Variants in GRIA4 observed in about 807,000 individuals in gnomAD.
The protein encoded by GRIA4 is glutamate ionotropic receptor AMPA type subunit 4.
Under a neutral mutation model 104.0 loss-of-function variants are expected in GRIA4, and 34 were observed. That is an observed-to-expected ratio of 0.33 (90% CI 0.25 to 0.44). The LOEUF (loss-of-function observed/expected upper bound fraction) is 0.44, where lower values mean the gene tolerates loss of function less well. GRIA4 is among the 20% of genes least tolerant of loss of function. The probability of loss-of-function intolerance (pLI) is 1.00; values close to 1 mark genes in which losing one functional copy is unlikely to be tolerated. For synonymous variants in GRIA4, 386 were observed against 381.9 expected (o/e 1.01, Z -0.13); for missense variants, 750 against 1,096.5 (o/e 0.68, Z 4.46).
At position 105,887,429 on chromosome 11, in the gene GRIA4, C is replaced by T. The variant is rs1000571110; in HGVS notation, c.673-90C>T. The T allele has an allele frequency of 3.2e-5, 19 of 596,274 alleles. No homozygotes were observed. The South Asian group carries it at 4.0e-4, about 12-fold the overall frequency. 36.9% of individuals were successfully genotyped at this position (596,274 alleles called of 1,614,324 possible). The stretch of plus-strand genomic sequence containing the variant: ...CTATCATTTTCCCATCATGATTCTA[C>T]ATGGAATTATGCTAAAATAGATAAT... On this transcript the variant is annotated intron_variant, in intron 5 of 16. Coordinates refer to ENST00000282499, the MANE Select transcript of GRIA4 (RefSeq NM_000829.4).
rs1565296493 is a variant in GRIA4, at chr11:105,862,014, TC to T, written c.488-6del. 1 of 1,580,924 alleles carries T rather than the reference TC, an allele frequency of 6.3e-7. No homozygotes were observed. The highest frequency in any genetic ancestry group is 1.4e-5 in the African/African-American group (1 of 73,640). On this transcript the variant is annotated splice_polypyrimidine_tract_variant and intron_variant, in intron 4 of 16. Transcript: ENST00000282499. ...AGCATGTTTTTAGTAACTTTTTTTT[TC>T]CCCAATAGGATACTCGATACTCCAA...
chr11:105,819,630 G>C (rs1325613383), intron 4 of GRIA4, among the ~76,000 whole-genome samples: 1 of 152,132 alleles, frequency 6.6e-6, no homozygotes, highest in East Asian at 1.9e-4. Flanking sequence ...CACATGAAAC[G>C]CTCCTGGGTA....
intron 3 of GRIA4, among the ~76,000 whole-genome samples, chr11:105,666,014 C>T (rs188746592): frequency 6.6e-6 from 1 of 152,124 alleles, no homozygotes; most frequent in Admixed American, 6.6e-5. Context: ...AAATGAAATT[C>T]AGGTATTCAT....
chr11:105,631,663 G>T (rs924867062), intron 3 of GRIA4, among the ~76,000 whole-genome samples: 4 of 152,054 alleles, frequency 2.6e-5, no homozygotes, highest in African/African-American at 9.7e-5. Context: ...CAACTGTCTT[G>T]CTTTCTTTGC....
chr11:105,670,612 C>G (rs1952329358), intron 3 of GRIA4, among the ~76,000 whole-genome samples: 1 of 152,054 alleles, frequency 6.6e-6, no homozygotes, highest in African/African-American at 2.4e-5. Context: ...ATATTGCATG[C>G]ATAAGTGTAT....
chr11:105,612,521 A>G, intron 3 of GRIA4, 87 bp downstream of exon 3: 1 of 1,107,800 alleles, frequency 9.0e-7, no homozygotes, highest in Non-Finnish European at 1.3e-6. Context: ...TAATTTTTTT[A>G]GAAAGAATTT....
In GRIA4 at chr11:105,611,036, T is replaced by C; in HGVS notation, c.39T>C (p.Ser13=). 7 of 1,613,792 alleles carry C rather than the reference T, an allele frequency of 4.3e-6. No individual in the cohort carries two copies. Among genetic ancestry groups the C allele is most frequent in the Non-Finnish European group, 5.9e-6 (7 of 1,179,762 alleles). ...IISRQIVLLF[S]GFWGLAMGAF... ...CCAGACAGATTGTCTTGTTATTTTC[T>C]GGATTTTGGGGACTCGCCATGGGAG... The change falls in exon 2 of 17, where the codon TCT becomes TCC. Residue 13 remains serine (S), a synonymous_variant. Transcript: ENST00000282499.
At chr11:105,672,613 AT>A (rs1195859482) in intron 3 of GRIA4, among the ~76,000 whole-genome samples, 1 of 152,082 alleles carries the variant, frequency 6.6e-6, no homozygotes, top group African/African-American at 2.4e-5. Flanking sequence ...ACTTAGAACA[AT>A]TTTCCAATGT....
chr11:105,942,118 C>T (rs1270223441), intron 14 of GRIA4, among the ~76,000 whole-genome samples: 1 of 151,942 alleles, frequency 6.6e-6, no homozygotes, highest in East Asian at 1.9e-4. Flanking sequence ...AACCGTGTAT[C>T]CAGAGTCCTA....
intron 14 of GRIA4, among the ~76,000 whole-genome samples, chr11:105,959,149 G>A (rs149051750): frequency 4.5e-4 from 68 of 152,260 alleles, no homozygotes; most frequent in Non-Finnish European, 7.5e-4. Context: ...GAATTTGAAT[G>A]TTGGCTTGTC....
intron 4 of GRIA4, among the ~76,000 whole-genome samples, chr11:105,844,409 T>C (rs757560657): frequency 3.3e-5 from 5 of 152,214 alleles, no homozygotes; most frequent in Admixed American, 6.5e-5. Context: ...TATTGAGACA[T>C]AGTAAATTAT....
intron 3 of GRIA4, among the ~76,000 whole-genome samples, chr11:105,676,129 AATAAAGT>A (rs1447654167): frequency 6.6e-6 from 1 of 151,822 alleles, no homozygotes; most frequent in African/African-American, 2.4e-5. Flanking sequence ...TGTAGTGTGT[AATAAAGT>A]ATCTTTAATA....
chr11:105,948,031 C>T (rs181036274), intron 14 of GRIA4, among the ~76,000 whole-genome samples: 127 of 152,246 alleles, frequency 8.3e-4, no homozygotes, highest in African/African-American at 2.8e-3. Flanking sequence ...CAGATGTGAG[C>T]CCCCATGTAT....
chr11:105,764,141 G>GT (rs1237623999), intron 4 of GRIA4, among the ~76,000 whole-genome samples: 1 of 151,868 alleles, frequency 6.6e-6, no homozygotes, highest in Non-Finnish European at 1.5e-5. Flanking sequence ...TTTTGTTTTT[G>GT]TTTTTTGTTT....
intron 4 of GRIA4, among the ~76,000 whole-genome samples, chr11:105,764,240 G>C (rs1258550828): frequency 6.6e-6 from 1 of 152,100 alleles, no homozygotes; most frequent in Non-Finnish European, 1.5e-5. Context: ...GGGTTCAAGT[G>C]ATCCTCCTGC....
At chr11:105,753,594 C>T (rs919203003) in intron 4 of GRIA4, among the ~76,000 whole-genome samples, 1 of 152,132 alleles carries the variant, frequency 6.6e-6, no homozygotes. Context: ...CTCCAGAGCA[C>T]ACATGTACTT....
At chr11:105,707,602 G>T (rs894830242) in intron 3 of GRIA4, 1 of 152,178 alleles carries the variant, frequency 6.6e-6, no homozygotes, top group African/African-American at 2.4e-5. Flanking sequence ...AGCTAATGAA[G>T]ATCGGTAAGT....
At chr11:105,769,386 T>C (rs1941106414) in intron 4 of GRIA4, among the ~76,000 whole-genome samples, 1 of 151,936 alleles carries the variant, frequency 6.6e-6, no homozygotes. Context: ...GATTTCCAGA[T>C]GATGTGGAGG....
chr11:105,810,829 G>A (rs1158685803), intron 4 of GRIA4, among the ~76,000 whole-genome samples: 1 of 151,924 alleles, frequency 6.6e-6, no homozygotes, highest in Non-Finnish European at 1.5e-5. Context: ...TTTGGCATAA[G>A]CCACAAAAAG....
Sources: allele counts gnomAD v4.1 joint callset (sites outside exome capture counted in the v4.1 genomes callset), GRCh38; gene constraint gnomAD v4.1.1; transcripts MANE v1.5; gene names NCBI Gene and HGNC (gene_info 2026-07-23, HGNC 2026-07-21).